KCNMB2: variants seen among roughly 807,000 people sequenced by gnomAD.
The protein encoded by KCNMB2 is calcium-activated potassium channel subunit beta-2.
A neutral mutation model predicts 24.5 loss-of-function variants in KCNMB2; 9 were observed. The observed-to-expected ratio is 0.37, with a 90% CI of 0.22 to 0.64. The LOEUF (loss-of-function observed/expected upper bound fraction) is 0.64, where lower values mean the gene tolerates loss of function less well. Among genes scored for constraint, KCNMB2 ranks in the 30% least tolerant of loss-of-function variants. The pLI is 0.63. For synonymous variants in KCNMB2, 109 were observed against 104.4 expected, an observed-to-expected ratio of 1.04 and a Z score of -0.27; for missense variants, 226 against 284.3, an observed-to-expected ratio of 0.79 and a Z score of 1.47.
intron 1 of KCNMB2, among the ~76,000 whole-genome samples, chr3:178,686,189 C>T (rs1721465296): frequency 6.6e-6 from 1 of 152,026 alleles, no homozygotes; most frequent in Admixed American, 6.6e-5. Flanking sequence ...TAGGCTGAGC[C>T]CCTATAACAA....
chr3:178,776,841 G>A (rs549364809), intron 1 of KCNMB2, among the ~76,000 whole-genome samples: 19 of 152,122 alleles, frequency 1.2e-4, no homozygotes, highest in Non-Finnish European at 2.6e-4. Flanking sequence ...TCCTAATGTA[G>A]GCTGCTGGAG....
chr3:178,543,743 G>C (rs1451212092), intron 1 of KCNMB2, among the ~76,000 whole-genome samples: 18 of 152,110 alleles, frequency 1.2e-4, no homozygotes, highest in Non-Finnish European at 2.5e-4. Flanking sequence ...TTAATATTTT[G>C]TAATTTCTCA....
At chr3:178,559,066 G>A (rs941560937) in intron 1 of KCNMB2, 1 of 152,194 alleles carries the variant, frequency 6.6e-6, no homozygotes, top group African/African-American at 2.4e-5. Context: ...GATACACAAA[G>A]AGAGGAGAGG....
intron 1 of KCNMB2, among the ~76,000 whole-genome samples, chr3:178,798,125 A>C (rs554739625): frequency 6.6e-6 from 1 of 152,170 alleles, no homozygotes; most frequent in Admixed American, 6.5e-5. Flanking sequence ...AATACGGTTT[A>C]TTTCTTTCTC....
At position 178,554,640 on chromosome 3, in the gene KCNMB2, A is replaced by G. The variant is rs551138348; in HGVS notation, c.-68+17929A>G. Among the ~76,000 whole-genome samples, 3 of 152,236 alleles carry G rather than the reference A, an allele frequency of 2.0e-5. No homozygotes were observed. The East Asian group carries it at 5.8e-4, about 29-fold the overall frequency. On this transcript the variant is annotated intron_variant, in intron 1 of 4. Coordinates refer to ENST00000452583, the MANE Select transcript of KCNMB2 (RefSeq NM_181361.3). The stretch of plus-strand genomic sequence containing the variant: ...TCAGGCCCCTTTCAGAAAAAAAAGC[A>G]CTTATGCTTTTCCTTCCTCTCAAAA...
intron 1 of KCNMB2, among the ~76,000 whole-genome samples, chr3:178,593,374 T>A (rs931989507): frequency 3.3e-5 from 5 of 152,066 alleles, no homozygotes; most frequent in African/African-American, 1.2e-4. Flanking sequence ...ACTAATCAAA[T>A]GAAATGCATC....
chr3:178,573,352 T>A (rs1716874213), intron 1 of KCNMB2, among the ~76,000 whole-genome samples: 1 of 152,040 alleles, frequency 6.6e-6, no homozygotes. Flanking sequence ...TGAATTAAGG[T>A]CTAAATCAGT....
rs1359714621 is a variant in KCNMB2 at position 178,843,349 on chromosome 3, TA to T, written c.*413del. Reference sequence around the variant, plus strand: ...TGTTTACTAAAGCTACAGCCAAAAATATTTTTTTTTCTTATTCTAAACTGAG... The same window carrying T: ...TGTTTACTAAAGCTACAGCCAAAAATTTTTTTTTTCTTATTCTAAACTGAG... On this transcript the variant is annotated 3_prime_UTR_variant, in exon 5 of 5. Coordinates refer to ENST00000452583, the MANE Select transcript of KCNMB2 (RefSeq NM_181361.3). 1.4e-5 allele frequency: 5 copies of T among 357,702 alleles called. No individual in the cohort carries two copies. In the East Asian group the frequency reaches 3.3e-4, roughly 23 times the overall value. 22.2% of individuals were successfully genotyped at this position (357,702 alleles called of 1,614,324 possible).
chr3:178,676,921 G>T (rs373480520), intron 1 of KCNMB2, among the ~76,000 whole-genome samples: 11 of 152,030 alleles, frequency 7.2e-5, no homozygotes, highest in Non-Finnish European at 1.6e-4. Flanking sequence ...CCTAATCCCC[G>T]TGTCAGATGA....
chr3:178,614,922 C>G (rs974913142), intron 1 of KCNMB2, among the ~76,000 whole-genome samples: 2 of 152,150 alleles, frequency 1.3e-5, no homozygotes, highest in Non-Finnish European at 2.9e-5. Flanking sequence ...CTTGAAAAGG[C>G]TTTTCAGATA....
intron 2 of KCNMB2, among the ~76,000 whole-genome samples, chr3:178,819,592 T>C (rs73053730): frequency 0.071 from 10,710 of 151,662 alleles, 463 homozygotes; most frequent in African/African-American, 0.12. Context: ...TCCCCCTCTC[T>C]AGGTCAGTGG....
chr3:178,606,792 G>C (rs1718289792), intron 1 of KCNMB2, among the ~76,000 whole-genome samples: 1 of 152,134 alleles, frequency 6.6e-6, no homozygotes, highest in Non-Finnish European at 1.5e-5. Context: ...GCTTTGGTAG[G>C]AGAGTAAGTC....
chr3:178,600,277 T>C (rs901716878), intron 1 of KCNMB2, among the ~76,000 whole-genome samples: 1 of 152,212 alleles, frequency 6.6e-6, no homozygotes, highest in African/African-American at 2.4e-5. Context: ...TATTCCATTG[T>C]GTATATATAT....
chr3:178,784,023 G>A (rs933428810), intron 1 of KCNMB2, among the ~76,000 whole-genome samples: 14 of 151,906 alleles, frequency 9.2e-5, no homozygotes, highest in Non-Finnish European at 1.6e-4. Context: ...ATTTGAAACC[G>A]CTTTTAATGA....
intron 1 of KCNMB2, among the ~76,000 whole-genome samples, chr3:178,577,617 C>A (rs142491017): frequency 3.9e-5 from 6 of 151,952 alleles, no homozygotes; most frequent in African/African-American, 1.5e-4. Context: ...AAGCTAAGAA[C>A]CTTGAAAAAA....
chr3:178,828,367 T>G lies in KCNMB2; in HGVS notation c.417T>G (p.Asn139Lys). Residue 139 changes from asparagine to lysine, a missense_variant, in exon 4 of 5, where the codon AAT (asparagine) becomes AAG (lysine). Transcript: ENST00000452583. ...LYHTEETIKINQKCSYIPKCG... is the reference protein window; with the variant it reads ...LYHTEETIKIKQKCSYIPKCG... ...ACACAGAAGAGACAATAAAAATCAA[T>G]CAGAAGGTAGGAACTTGGCGTACTG... 2 of 1,612,422 alleles carry G rather than the reference T, an allele frequency of 1.2e-6. No individual in the cohort carries two copies. The highest frequency in any genetic ancestry group is 1.7e-6 in the Non-Finnish European group (2 of 1,178,936).
Position 178,828,191 on chromosome 3 carries a change from G to A in KCNMB2, c.241G>A (p.Glu81Lys). 6.2e-7 allele frequency: 1 copy of A among 1,613,588 alleles called. No individual in the cohort carries two copies. Among genetic ancestry groups the A allele is most frequent in the Non-Finnish European group, 8.5e-7 (1 of 1,179,650 alleles). The change falls in exon 4 of 5, where the codon GAG (glutamate) becomes AAG (lysine). Residue 81 changes from glutamate to lysine, a missense_variant. Coordinates refer to ENST00000452583, the MANE Select transcript of KCNMB2 (RefSeq NM_181361.3). ...RSYMQSVWTE[E>K]SQCTLLNASI... ...CTTTCTCTGCAGCGTGTGGACCGAA[G>A]AGTCTCAATGCACCTTGCTGAATGC...
chr3:178,758,556 GAGGAGAT>G, intron 1 of KCNMB2, among the ~76,000 whole-genome samples: 1 of 29,876 alleles, frequency 3.3e-5, no homozygotes, highest in Admixed American at 4.1e-4. Flanking sequence ...ATATATCCAA[GAGGAGAT>G]ATATATATAT....
intron 1 of KCNMB2, among the ~76,000 whole-genome samples, chr3:178,760,237 C>T (rs1711761816): frequency 2.4e-5 from 1 of 41,828 alleles, no homozygotes; most frequent in Non-Finnish European, 4.2e-5. Context: ...TAGATATATC[C>T]AAGAGGATAT....
Sources: allele counts gnomAD v4.1 joint callset (sites outside exome capture counted in the v4.1 genomes callset), GRCh38; gene constraint gnomAD v4.1.1; transcripts MANE v1.5; gene names NCBI Gene and HGNC (gene_info 2026-07-23, HGNC 2026-07-21).